The following ZNF462 variants were observed in gnomAD, a reference collection of about 807,000 sequenced individuals.
The protein encoded by ZNF462 is zinc finger protein 462, also known as zinc finger PBX1-interacting protein.
Under a neutral mutation model 201.9 loss-of-function variants are expected in ZNF462, and 10 were observed. The observed-to-expected ratio is 0.05, with a 90% CI of 0.03 to 0.08. ZNF462 has a LOEUF of 0.08. ZNF462 is among the 10% of genes least tolerant of loss of function. The probability of loss-of-function intolerance (pLI) is 1.00; values close to 1 mark genes in which losing one functional copy is unlikely to be tolerated. For missense variants in ZNF462, 2,523 were observed against 3,168.3 expected, an observed-to-expected ratio of 0.80 and a Z score of 4.89; for synonymous variants, 1,227 against 1,193.3, an observed-to-expected ratio of 1.03 and a Z score of -0.58.
Position 106,938,911 on chromosome 9 carries a change from TC to T in ZNF462, c.6236-3del. On this transcript the variant is annotated splice_region_variant and splice_polypyrimidine_tract_variant and intron_variant, in intron 6 of 12. Coordinates refer to ENST00000277225, the MANE Select transcript of ZNF462 (RefSeq NM_021224.6). The surrounding 1 kb of genome is among the most constrained non-coding windows in gnomAD (Gnocchi z 4.4). ...GTTCTATTTCTTGTCACCATCCTCT[TC>T]CAGGTGAGCATGCCTACAAGTGTTC... 6.2e-7 allele frequency: 1 copy of T among 1,600,722 alleles called. No homozygotes were observed. The highest frequency in any genetic ancestry group is 1.3e-5 in the African/African-American group (1 of 74,746).
Position 106,923,373 on chromosome 9 carries a change from A to G in ZNF462, c.-11A>G. On this transcript the variant is annotated 5_prime_UTR_variant, in exon 2 of 13. It removes the in-frame stop codon of an upstream open reading frame in the 5' UTR. Transcript: ENST00000277225. The surrounding 1 kb of genome is among the most constrained non-coding windows in gnomAD (Gnocchi z 5.6). ...CCACAGGTTCCTAATGTGAGAGGCT[A>G]GACCCAGATCATGGAGGTGCTTCAG... The G allele has an allele frequency of 1.9e-6, 3 of 1,613,906 alleles. No homozygotes were observed. Among genetic ancestry groups the G allele is most frequent in the Non-Finnish European group, 2.5e-6 (3 of 1,179,966 alleles).
At chr9:106,967,207 A>G (rs1832114567) in intron 7 of ZNF462, among the ~76,000 whole-genome samples, 1 of 152,080 alleles carries the variant, frequency 6.6e-6, no homozygotes, top group South Asian at 2.1e-4. Flanking sequence ...CAACTGCTCA[A>G]CTGTCTCCCC....
chr9:106,987,573 G>A (rs933579842), intron 10 of ZNF462, among the ~76,000 whole-genome samples: 15 of 152,096 alleles, frequency 9.9e-5, no homozygotes, highest in African/African-American at 3.4e-4. Context: ...TCCTTTGTCA[G>A]TTGTATAGAT....
rs1372978471 is a variant in ZNF462, at chr9:107,012,918, T to C, written c.*1888T>C. On this transcript the variant is annotated 3_prime_UTR_variant, in exon 13 of 13. Transcript: ENST00000277225. Reference sequence around the variant, plus strand: ...AGAATTTTTATTTGTAGGATGTTTGTTTTAATTTAATTTTTTTAAGGGATG... The same window carrying C: ...AGAATTTTTATTTGTAGGATGTTTGCTTTAATTTAATTTTTTTAAGGGATG... 2.6e-5 allele frequency: 4 copies of C among 152,106 alleles called. No individual in the cohort carries two copies. Among genetic ancestry groups the C allele is most frequent in the African/African-American group, 7.2e-5 (3 of 41,450 alleles). The allele number at this position is 152,106 out of a possible 1,614,324, so 9.4% of individuals were successfully genotyped here. A position where few individuals can be genotyped will look rare whatever the true frequency, so the allele number is the denominator to read the frequency against.
At chr9:107,000,115 G>A (rs774514263) in intron 10 of ZNF462, among the ~76,000 whole-genome samples, 8 of 151,956 alleles carry the variant, frequency 5.3e-5, no homozygotes, top group Admixed American at 3.3e-4. Flanking sequence ...ACATGAAGCC[G>A]GCAGGCATGA....
At chr9:106,873,623 CT>C (rs1827696127) in intron 1 of ZNF462, among the ~76,000 whole-genome samples, 1 of 152,132 alleles carries the variant, frequency 6.6e-6, no homozygotes, top group Non-Finnish European at 1.5e-5. Context: ...CCGATACCCC[CT>C]CCACCCCTTT....
intron 1 of ZNF462, among the ~76,000 whole-genome samples, chr9:106,916,441 A>G (rs1829777993): frequency 6.6e-6 from 1 of 152,172 alleles, no homozygotes; most frequent in South Asian, 2.1e-4. Context: ...ACTTCCCTTT[A>G]ATTTTACAAT....
intron 9 of ZNF462, among the ~76,000 whole-genome samples, chr9:106,980,083 C>T (rs1827307316): frequency 6.6e-6 from 1 of 152,126 alleles, no homozygotes. Context: ...TACATGTTTC[C>T]TTTCAACTTC....
Position 107,010,577 on chromosome 9 carries a change from TATA to T in ZNF462, c.7314-240_7314-238del, listed in dbSNP as rs556222866. ...AAAACATGGGATAATCAATATATAG[TATA>T]ATAATGGATACTTCTGTAAGTTCAA... On this transcript the variant is annotated intron_variant, in intron 12 of 12. Transcript: ENST00000277225. This position sits in a 1 kb window ranked among gnomAD's most constrained non-coding sequence, Gnocchi z 4.6. 7.9e-5 allele frequency among the ~76,000 whole-genome samples: 12 copies of T among 152,244 alleles called. No homozygotes were observed. The East Asian group carries it at 2.1e-3, about 27-fold the overall frequency.
chr9:106,999,123 T>G (rs2417761), intron 10 of ZNF462, among the ~76,000 whole-genome samples: 5 of 152,002 alleles, frequency 3.3e-5, no homozygotes, highest in Non-Finnish European at 7.4e-5. Context: ...TGGAAGGAGC[T>G]GGGTTCTAAA....
chr9:107,010,320 G>A lies in ZNF462; in HGVS notation c.7314-503G>A, dbSNP rs1829856898. ...CTCAGAGAATATAACCAAGCTTCCCGAGACATGGGTTCCATCTTCAGGTTT... is the reference window on the plus strand; with the variant it reads ...CTCAGAGAATATAACCAAGCTTCCCAAGACATGGGTTCCATCTTCAGGTTT... On this transcript the variant is annotated intron_variant, in intron 12 of 12. Coordinates refer to ENST00000277225, the MANE Select transcript of ZNF462 (RefSeq NM_021224.6). This position sits in a 1 kb window ranked among gnomAD's most constrained non-coding sequence, Gnocchi z 4.6. 6.6e-6 allele frequency among the ~76,000 whole-genome samples: 1 copy of A among 152,114 alleles called. No homozygotes were observed. Among genetic ancestry groups the A allele is most frequent in the Non-Finnish European group, 1.5e-5 (1 of 68,026 alleles).
rs1159420126 is a variant in ZNF462 at position 107,012,714 on chromosome 9, T to TTTG, written c.*1686_*1687insGTT. The TTTG allele has an allele frequency of 8.5e-6, 1 of 117,412 alleles. No individual in the cohort carries two copies. Among genetic ancestry groups the TTTG allele is most frequent in the African/African-American group, 5.4e-5 (1 of 18,430 alleles). 7.3% of individuals were successfully genotyped at this position (117,412 alleles called of 1,614,324 possible). A position where few individuals can be genotyped will look rare whatever the true frequency, so the allele number is the denominator to read the frequency against. ...GTGTGAATCCTTTGGTTTTCATGTT[T>TTTG]TTTTTTTTTTTTTTTTACTTGGAAG... On this transcript the variant is annotated 3_prime_UTR_variant, in exon 13 of 13. Transcript: ENST00000277225.
chr9:106,976,370 G>C (rs1005444881), intron 9 of ZNF462: 3 of 152,186 alleles, frequency 2.0e-5, no homozygotes, highest in African/African-American at 7.2e-5. Context: ...AAATTTTCAG[G>C]AATCCTAGAC....
At chr9:106,918,260 G>A (rs960406566) in intron 1 of ZNF462, among the ~76,000 whole-genome samples, 1 of 152,056 alleles carries the variant, frequency 6.6e-6, no homozygotes, top group Non-Finnish European at 1.5e-5. Context: ...TCTGCCCCCA[G>A]CTCTTGTTAA....
chr9:106,931,318 A>G (rs1830415099), intron 4 of ZNF462, among the ~76,000 whole-genome samples: 1 of 152,192 alleles, frequency 6.6e-6, no homozygotes, highest in South Asian at 2.1e-4. Context: ...TCATAATCCT[A>G]ATAGCAGCCA....
intron 10 of ZNF462, among the ~76,000 whole-genome samples, chr9:106,994,907 AC>A (rs1294742329): frequency 6.6e-6 from 1 of 152,124 alleles, no homozygotes; most frequent in African/African-American, 2.4e-5. Flanking sequence ...TATTTATCTC[AC>A]CTTTCTTTCA....
rs769266382 is a variant in ZNF462 at position 106,895,477 on chromosome 9, T to C, written c.-30-27877T>C. ...TGTTTCCCACCATCCTCTTCACCTC[T>C]AGGAGTCCCTCATGATGCTAGCAAA... On this transcript the variant is annotated intron_variant, in intron 1 of 12. Coordinates refer to ENST00000277225, the MANE Select transcript of ZNF462 (RefSeq NM_021224.6). The surrounding 1 kb of genome is among the most constrained non-coding windows in gnomAD (Gnocchi z 4.4). 2.2e-4 allele frequency among the ~76,000 whole-genome samples: 34 copies of C among 152,158 alleles called. No individual in the cohort carries two copies. The highest frequency in any genetic ancestry group is 4.0e-4 in the Non-Finnish European group (27 of 68,018).
chr9:106,962,491 A>G lies in ZNF462; in HGVS notation c.6428-9514A>G, dbSNP rs987962300. 2.0e-5 allele frequency among the ~76,000 whole-genome samples: 3 copies of G among 152,064 alleles called. No individual in the cohort carries two copies. The highest frequency in any genetic ancestry group is 1.9e-4 in the East Asian group (1 of 5,182). ...ACCTGCCTGGATTCCTCAAAAATATAAAGAAAAAACATGAGGCTTCACACA... is the reference window on the plus strand; with the variant it reads ...ACCTGCCTGGATTCCTCAAAAATATGAAGAAAAAACATGAGGCTTCACACA... On this transcript the variant is annotated intron_variant, in intron 7 of 12. Transcript: ENST00000277225. This position sits in a 1 kb window ranked among gnomAD's most constrained non-coding sequence, Gnocchi z 4.6.
rs1827187029 is a variant in ZNF462 at position 106,978,599 on chromosome 9, A to G, written c.6832+4326A>G. ...GATTTGATGAGTTTAACTAGGGAAA[A>G]ATTAAGCCCTGAACTTCTCTTTCAA... On this transcript the variant is annotated intron_variant, in intron 9 of 12. Transcript: ENST00000277225. This position sits in a 1 kb window ranked among gnomAD's most constrained non-coding sequence, Gnocchi z 4.1. Among the ~76,000 whole-genome samples the G allele has an allele frequency of 6.6e-6, 1 of 151,570 alleles. No homozygotes were observed. The highest frequency in any genetic ancestry group is 1.5e-5 in the Non-Finnish European group (1 of 68,040).
Sources: gnomAD v4.1 joint callset for allele counts (sites outside exome capture counted in the v4.1 genomes callset) on GRCh38, gnomAD v4.1.1 for gene constraint, Gnocchi (gnomAD v3.1) non-coding constraint, MANE v1.5 for transcripts, NCBI Gene and HGNC (gene_info 2026-07-23, HGNC 2026-07-21) for gene names.